Variants in DHRS3 observed in about 807,000 individuals in gnomAD.
DHRS3 encodes the protein dehydrogenase/reductase 3, also known as short-chain dehydrogenase/reductase 3.
In DHRS3, 14 loss-of-function variants were observed where a neutral mutation model predicts 27.2. The ratio of observed to expected loss-of-function variants is 0.52; its 90% confidence interval spans 0.34 to 0.81. DHRS3 has a LOEUF of 0.81. Among genes scored for constraint, DHRS3 ranks in the 30% least tolerant of loss-of-function variants. The pLI, the probability that DHRS3 is intolerant of heterozygous loss-of-function variation, is 0.01. For synonymous variants in DHRS3, 165 were observed against 175.9 expected, an observed-to-expected ratio of 0.94 and a Z score of 0.49; for missense variants, 322 against 406.2, an observed-to-expected ratio of 0.79 and a Z score of 1.78.
chr1:12,609,966 A>G (rs1646896164), intron 1 of DHRS3, among the ~76,000 whole-genome samples: 2 of 152,106 alleles, frequency 1.3e-5, no homozygotes, highest in East Asian at 1.9e-4. Flanking sequence ...TCTCCTTCTC[A>G]GTGTGGCCTT....
intron 1 of DHRS3, among the ~76,000 whole-genome samples, chr1:12,613,932 G>A (rs933130272): frequency 3.9e-4 from 59 of 152,010 alleles, no homozygotes; most frequent in African/African-American, 1.4e-3. Context: ...ACCAGGCCTG[G>A]ATAATTTTTT....
intron 1 of DHRS3, among the ~76,000 whole-genome samples, chr1:12,615,724 C>G (rs1260308256): frequency 6.6e-6 from 1 of 152,194 alleles, no homozygotes; most frequent in Non-Finnish European, 1.5e-5. Context: ...CTCATCTGCC[C>G]TTTTCAGTCC....
rs1646756036 is a variant in DHRS3, at chr1:12,592,661, A to G, written c.196-11995T>C. Reference sequence around the variant, plus strand: ...GAGCAGCTTTGGTGTTTTGGGCCACACAGCTGGTGGTCATTTGTTGTGCCA... The same window carrying G: ...GAGCAGCTTTGGTGTTTTGGGCCACGCAGCTGGTGGTCATTTGTTGTGCCA... On this transcript the variant is annotated intron_variant, in intron 1 of 5. Transcript: ENST00000616661. The surrounding 1 kb of genome is among the most constrained non-coding windows in gnomAD (Gnocchi z 4.2). 6.6e-6 allele frequency among the ~76,000 whole-genome samples: 1 copy of G among 152,126 alleles called. No homozygotes were observed. The highest frequency in any genetic ancestry group is 1.5e-5 in the Non-Finnish European group (1 of 68,006).
chr1:12,587,572 T>C (rs563097701), intron 1 of DHRS3, among the ~76,000 whole-genome samples: 29 of 151,952 alleles, frequency 1.9e-4, no homozygotes, highest in African/African-American at 6.8e-4. Flanking sequence ...ATCTTAAAAA[T>C]AGAAGGTGGG....
At position 12,617,790 on chromosome 1, in the gene DHRS3, A is replaced by T. The variant is rs1480283464; in HGVS notation, c.-442T>A. 8.1e-5 allele frequency: 2 copies of T among 24,728 alleles called. No individual in the cohort carries two copies. Among genetic ancestry groups the T allele is most frequent in the African/African-American group, 2.2e-4 (2 of 9,242 alleles). The allele number at this position is 24,728 out of a possible 1,614,324, so 1.5% of individuals were successfully genotyped here. ...CCCGCGGTTTCAAAGTGCAAGATTA[A>T]AAAAAAAAAAAAAAAAAAAAAAAAA... On this transcript the variant is annotated 5_prime_UTR_variant, in exon 1 of 6. Transcript: ENST00000616661.
chr1:12,576,365 A>C (rs1438943035), intron 4 of DHRS3, among the ~76,000 whole-genome samples: 2 of 151,924 alleles, frequency 1.3e-5, no homozygotes, highest in African/African-American at 4.8e-5. Flanking sequence ...GATTGAGACC[A>C]TCCTGGCTAA....
At chr1:12,581,061 C>G (rs943602219) in intron 1 of DHRS3, among the ~76,000 whole-genome samples, 2 of 152,046 alleles carry the variant, frequency 1.3e-5, no homozygotes, top group African/African-American at 4.8e-5. Context: ...CTCCTGGGTT[C>G]AAGCAATCCT....
At chr1:12,571,551 A>G (rs1226651999) in intron 5 of DHRS3, among the ~76,000 whole-genome samples, 3 of 126,024 alleles carry the variant, frequency 2.4e-5, no homozygotes, top group Non-Finnish European at 3.2e-5. Context: ...TTTTTTTGAG[A>G]CGGAGTCTTG....
intron 1 of DHRS3, among the ~76,000 whole-genome samples, chr1:12,585,469 C>T (rs566832010): frequency 4.2e-4 from 64 of 152,192 alleles, no homozygotes; most frequent in African/African-American, 1.4e-3. Flanking sequence ...TGCTGGGAGT[C>T]GCAGGGAAGC....
intron 1 of DHRS3, among the ~76,000 whole-genome samples, chr1:12,585,211 A>ATCTGTGTGTCTCTGTGAGTGTGTG (rs1553139829): frequency 0.018 from 2,491 of 140,230 alleles, 84 homozygotes; most frequent in East Asian, 0.18. Flanking sequence ...GTGTCTGTGT[A>ATCTGTGTGTCTCTGTGAGTGTGTG]TCTCTGTGTG....
At chr1:12,587,219 T>C (rs1646704407) in intron 1 of DHRS3, among the ~76,000 whole-genome samples, 1 of 149,734 alleles carries the variant, frequency 6.7e-6, no homozygotes, top group African/African-American at 2.5e-5. Context: ...CATGACTCAC[T>C]GCAGCCTCCA....
chr1:12,573,809 G>C (rs1450914916), intron 4 of DHRS3, among the ~76,000 whole-genome samples: 3 of 152,208 alleles, frequency 2.0e-5, no homozygotes, highest in Non-Finnish European at 4.4e-5. Context: ...TTCCCTACGT[G>C]CCAGACTCAT....
At position 12,579,040 on chromosome 1, in the gene DHRS3, C is replaced by T. The variant is rs150857203; in HGVS notation, c.460-84G>A. ...TTCTTTCGGGGAGAACAGCCCACCC[C>T]GGACACACATGATGCTCTAGGGCCC... is the stretch of plus-strand genomic sequence containing the variant. On this transcript the variant is annotated intron_variant, in intron 3 of 5. Coordinates refer to ENST00000616661, the MANE Select transcript of DHRS3 (RefSeq NM_004753.7). The T allele has an allele frequency of 4.0e-4, 538 of 1,346,608 alleles. 2 individuals carry two copies. In the African/African-American group the frequency reaches 5.9e-3, roughly 15 times the overall value. 83.4% of individuals were successfully genotyped at this position (1,346,608 alleles called of 1,614,324 possible). A position where few individuals can be genotyped will look rare whatever the true frequency, so the allele number is the denominator to read the frequency against.
In DHRS3 at chr1:12,602,885, C is replaced by A. The variant is rs1403751910; in HGVS notation, c.195+14269G>T. ...TCTGGCCGGAGCCGGCCTCTACCGC[C>A]CAAAAGATTTTGGCTGCTGTGACAC... On this transcript the variant is annotated intron_variant, in intron 1 of 5. Transcript: ENST00000616661. Among the ~76,000 whole-genome samples the A allele has an allele frequency of 3.3e-5, 5 of 152,268 alleles. No individual in the cohort carries two copies. In the East Asian group the frequency reaches 9.6e-4, roughly 29 times the overall value.
At chr1:12,600,526 G>GC in intron 1 of DHRS3, 2 of 368,830 alleles carry the variant, frequency 5.4e-6, no homozygotes, top group Non-Finnish European at 7.5e-6. Flanking sequence ...TGTCTGGCAG[G>GC]ACTGCCTGCC....
At chr1:12,614,586 C>G (rs1182778326) in intron 1 of DHRS3, among the ~76,000 whole-genome samples, 1 of 151,880 alleles carries the variant, frequency 6.6e-6, no homozygotes, top group East Asian at 1.9e-4. Flanking sequence ...CAAATATTGC[C>G]AAATCCTATT....
intron 1 of DHRS3, among the ~76,000 whole-genome samples, chr1:12,584,439 C>T (rs1211555387): frequency 6.6e-6 from 1 of 152,064 alleles, no homozygotes; most frequent in Non-Finnish European, 1.5e-5. Flanking sequence ...GAACCGGCCT[C>T]ACCTCTCCCT....
At chr1:12,575,506 C>A (rs996112024) in intron 4 of DHRS3, among the ~76,000 whole-genome samples, 1 of 152,008 alleles carries the variant, frequency 6.6e-6, no homozygotes. Flanking sequence ...TGCTTTTATC[C>A]ATTTTTTATT....
chr1:12,572,667 T>A, intron 5 of DHRS3, 61 bp downstream of exon 5: 1 of 1,549,066 alleles, frequency 6.5e-7, no homozygotes. Context: ...GCAGCAGACA[T>A]GACTAATAGA....
Sources: allele counts gnomAD v4.1 joint callset (sites outside exome capture counted in the v4.1 genomes callset), GRCh38; gene constraint gnomAD v4.1.1; non-coding constraint Gnocchi (gnomAD v3.1); transcripts MANE v1.5; gene names NCBI Gene and HGNC (gene_info 2026-07-23, HGNC 2026-07-21).